The following MARK3 variants were observed in gnomAD, a reference collection of about 807,000 sequenced individuals.
The protein encoded by MARK3 is MAP/microtubule affinity-regulating kinase 3.
In MARK3, 46 loss-of-function variants were observed where a neutral mutation model predicts 90.1. That is an observed-to-expected ratio of 0.51 (90% CI 0.40 to 0.65). The LOEUF is 0.65. Ranked by LOEUF, MARK3 falls within the 30% of genes least tolerant of loss-of-function variation. The pLI is 0.00. For missense variants in MARK3, 818 were observed against 947.2 expected (o/e 0.86, Z 1.79); for synonymous variants, 321 against 332.6 (o/e 0.97, Z 0.38).
At chr14:103,434,552 C>T (rs1399892946) in intron 3 of MARK3, among the ~76,000 whole-genome samples, 1 of 152,208 alleles carries the variant, frequency 6.6e-6, no homozygotes, top group African/African-American at 2.4e-5. Flanking sequence ...ATGCAGTCCA[C>T]AACTTCTCGT....
At position 103,468,103 on chromosome 14, in the gene MARK3, A is replaced by C; in HGVS notation, c.1181A>C (p.Asn394Thr). The C allele has an allele frequency of 6.2e-7, 1 of 1,613,968 alleles. No homozygotes were observed. The highest frequency in any genetic ancestry group is 8.5e-7 in the Non-Finnish European group (1 of 1,179,982). The change falls in exon 12 of 18, where the codon AAC becomes ACC. Residue 394 changes from asparagine to threonine, a missense_variant. This residue lies in a region of MARK3 where 560 missense variants were observed against 613.5 expected (regional missense o/e 0.91). Transcript: ENST00000429436. Reference protein sequence around the residue: ...LAKVRPSSDLNNSTGQSPHHK... With the variant: ...LAKVRPSSDLTNSTGQSPHHK... ...AAGGTTAGGCCGAGCAGTGATCTCA[A>C]CAACAGTACTGGCCAGTCTCCTCAC...
intron 16 of MARK3, 115 bp downstream of exon 16, chr14:103,498,643 C>A: frequency 8.1e-6 from 8 of 983,280 alleles, no homozygotes; most frequent in South Asian, 6.1e-5. Flanking sequence ...AAACTTTCTG[C>A]TGATAACTAA....
At chr14:103,392,178 G>A (rs2090298451) in intron 1 of MARK3, among the ~76,000 whole-genome samples, 1 of 152,160 alleles carries the variant, frequency 6.6e-6, no homozygotes, top group Non-Finnish European at 1.5e-5. Flanking sequence ...TCGGTTATGT[G>A]AGACTGAATT....
chr14:103,404,038 A>G (rs934496255), intron 1 of MARK3, among the ~76,000 whole-genome samples: 3 of 152,228 alleles, frequency 2.0e-5, no homozygotes, highest in Non-Finnish European at 4.4e-5. Context: ...GAAGAAGTAG[A>G]TGGAGACTAA....
Position 103,466,416 on chromosome 14 carries a change from TAGAC to T in MARK3, c.973_976del (p.Asp325SerfsTer7). 1 of 1,613,644 alleles carries T rather than the reference TAGAC, an allele frequency of 6.2e-7. No individual in the cohort carries two copies. Among genetic ancestry groups the T allele is most frequent in the East Asian group, 2.2e-5 (1 of 44,856 alleles). On this transcript the variant is annotated frameshift_variant, in exon 10 of 18. Transcript: ENST00000429436. LOFTEE classifies it high-confidence loss of function. ...CTCAAACCATTTGTTGAACCAGAGC[TAGAC>T]ATCTCAGACCAAAAAAGAATAGGTA...
rs144703896 is a variant in MARK3 at position 103,454,388 on chromosome 14, G to A, written c.412+2405G>A. On this transcript the variant is annotated intron_variant, in intron 5 of 17. Coordinates refer to ENST00000429436, the MANE Select transcript of MARK3 (RefSeq NM_001128918.3). The stretch of plus-strand genomic sequence containing the variant: ...CTGCCTCAGCTTCCTGAGTAGCTGG[G>A]ACTGCAGGCGCACACCACACCTGGC... Among the ~76,000 whole-genome samples the A allele has an allele frequency of 7.2e-3, 1,091 of 152,122 alleles. 8 individuals are homozygous for A. The highest frequency in any genetic ancestry group is 0.02 in the Middle Eastern group (6 of 294).
intron 2 of MARK3, among the ~76,000 whole-genome samples, chr14:103,407,710 G>A (rs1340240313): frequency 3.3e-5 from 5 of 151,656 alleles, no homozygotes; most frequent in Non-Finnish European, 7.4e-5. Flanking sequence ...ATAGGCGTGC[G>A]CCACCATGCC....
At chr14:103,421,954 A>T (rs572220427) in intron 2 of MARK3, among the ~76,000 whole-genome samples, 1 of 152,312 alleles carries the variant, frequency 6.6e-6, no homozygotes, top group East Asian at 1.9e-4. Flanking sequence ...AAGACTTGTT[A>T]AAAAAGAGTC....
At chr14:103,461,572 A>G (rs1444446467) in intron 6 of MARK3, among the ~76,000 whole-genome samples, 1 of 152,228 alleles carries the variant, frequency 6.6e-6, no homozygotes, top group Non-Finnish European at 1.5e-5. Flanking sequence ...TGACCCTCAG[A>G]GAAGTTAACT....
At chr14:103,498,020 T>TTGAGGCCAGGAGTTCGAGACC (rs1358426591) in intron 15 of MARK3, among the ~76,000 whole-genome samples, 9 of 152,156 alleles carry the variant, frequency 5.9e-5, no homozygotes, top group Non-Finnish European at 1.3e-4. Flanking sequence ...AGTTCGAGAC[T>TTGAGGCCAGGAGTTCGAGACC]AGACTGGCCA....
Position 103,448,905 on chromosome 14 carries a change from GT to G in MARK3, c.298-3del, listed in dbSNP as rs749864596. 20,881 of 1,000,668 alleles carry G rather than the reference GT, an allele frequency of 0.021. No homozygotes were observed. The highest frequency in any genetic ancestry group is 0.035 in the South Asian group (1,837 of 52,640). The allele number at this position is 1,000,668 out of a possible 1,614,324, so 62.0% of individuals were successfully genotyped here. ...GTTGGGGGGATTATGTGTTTTGTTT[GT>G]TTTTTTTTTTAGCTCTTCAGAGAAG... On this transcript the variant is annotated splice_polypyrimidine_tract_variant and intron_variant, in intron 3 of 17. Coordinates refer to ENST00000429436, the MANE Select transcript of MARK3 (RefSeq NM_001128918.3).
intron 5 of MARK3, among the ~76,000 whole-genome samples, chr14:103,456,169 A>G (rs1283804079): frequency 1.3e-5 from 2 of 152,014 alleles, no homozygotes; most frequent in African/African-American, 4.8e-5. Context: ...CTGAGCTCCT[A>G]CTTCTCACCA....
intron 14 of MARK3, among the ~76,000 whole-genome samples, chr14:103,480,964 G>C (rs1256784330): frequency 6.6e-6 from 1 of 152,228 alleles, no homozygotes; most frequent in Non-Finnish European, 1.5e-5. Context: ...AGAAACACTG[G>C]AGAAGCCAAG....
At chr14:103,450,973 C>G (rs1307095298) in intron 4 of MARK3, among the ~76,000 whole-genome samples, 1 of 124,828 alleles carries the variant, frequency 8.0e-6, no homozygotes, top group Non-Finnish European at 1.6e-5. Context: ...CTCTGTTGTC[C>G]AGGCTGGAGT....
chr14:103,460,231 G>A (rs2093373464), intron 6 of MARK3, among the ~76,000 whole-genome samples: 1 of 151,662 alleles, frequency 6.6e-6, no homozygotes, highest in Admixed American at 6.6e-5. Context: ...GAATACAGAT[G>A]CCTGCCACTA....
chr14:103,427,612 T>G (rs1566824603), intron 2 of MARK3, among the ~76,000 whole-genome samples: 3 of 150,730 alleles, frequency 2.0e-5, no homozygotes, highest in Non-Finnish European at 3.0e-5. Context: ...AAACAAGGGG[T>G]GAATTATTCA....
At chr14:103,433,088 C>CTTTTTTTT (rs371171878) in intron 3 of MARK3, among the ~76,000 whole-genome samples, 22 of 116,040 alleles carry the variant, frequency 1.9e-4, no homozygotes, top group Non-Finnish European at 3.0e-4. Flanking sequence ...CTTTTCTTTT[C>CTTTTTTTT]TTTTCTTTTT....
In MARK3 at chr14:103,452,471, C is replaced by CTTTTTTTTTT. The variant is rs71126026; in HGVS notation, c.412+497_412+506dup. ...ACAAGTGGAATTTTACAGGATTTGT[C>CTTTTTTTTTT]TTTTTTTTTTTTTTTTTTGAGACGG... On this transcript the variant is annotated intron_variant, in intron 5 of 17. Transcript: ENST00000429436. Among the ~76,000 whole-genome samples the CTTTTTTTTTT allele has an allele frequency of 9.2e-5, 9 of 97,478 alleles. 1 individual carries two copies. The highest frequency in any genetic ancestry group is 3.8e-4 in the Admixed American group (3 of 7,990). The allele number at this position is 97,478 out of a possible 152,430, so 63.9% of individuals were successfully genotyped here. A position where few individuals can be genotyped will look rare whatever the true frequency, so the allele number is the denominator to read the frequency against.
rs916411581 is a variant in MARK3 at position 103,418,369 on chromosome 14, C to T, written c.244-10018C>T. Among the ~76,000 whole-genome samples, 5 of 151,874 alleles carry T rather than the reference C, an allele frequency of 3.3e-5. No individual in the cohort carries two copies. In the East Asian group the frequency reaches 9.7e-4, roughly 29 times the overall value. On this transcript the variant is annotated intron_variant, in intron 2 of 17. Transcript: ENST00000429436. ...TCTGGTAGCCTCTGGTTGTCTGTAC[C>T]TAATGTGGAGCCCTAAGCATCTGAT... is the stretch of plus-strand genomic sequence containing the variant.
Sources: allele counts gnomAD v4.1 joint callset (sites outside exome capture counted in the v4.1 genomes callset), GRCh38; gene constraint gnomAD v4.1.1; regional missense constraint gnomAD v4.1.1; transcripts MANE v1.5; gene names NCBI Gene and HGNC (gene_info 2026-07-23, HGNC 2026-07-21).